ERBB4: variants seen among roughly 807,000 people sequenced by gnomAD.
ERBB4 encodes the protein erb-b2 receptor tyrosine kinase 4.
Under a neutral mutation model 158.0 loss-of-function variants are expected in ERBB4, and 42 were observed. That is an observed-to-expected ratio of 0.27 (90% confidence interval 0.21 to 0.34). The LOEUF is 0.34. ERBB4 is among the 10% of genes least tolerant of loss of function. The pLI is 1.00. For missense variants in ERBB4, 1,333 were observed against 1,624.1 expected, an observed-to-expected ratio of 0.82 and a Z score of 3.08; for synonymous variants, 583 against 558.7, an observed-to-expected ratio of 1.04 and a Z score of -0.61.
intron 1 of ERBB4, among the ~76,000 whole-genome samples, chr2:212,250,976 G>A (rs1574520805): frequency 6.6e-6 from 1 of 152,004 alleles, no homozygotes; most frequent in African/African-American, 2.4e-5. Context: ...TTGCAACAAG[G>A]GGAAGTTTTA....
rs79682808 is a variant in ERBB4 at position 211,466,253 on chromosome 2, T to C, written c.2488-35153A>G. ...AATAGCCTTCACTTTCTAAGCAAAA[T>C]GGTTGGGAAGCTTTTCAATGTAAGG... On this transcript the variant is annotated intron_variant, in intron 20 of 27. Coordinates refer to ENST00000342788, the MANE Select transcript of ERBB4 (RefSeq NM_005235.3). Among the ~76,000 whole-genome samples, 234 of 151,688 alleles carry C rather than the reference T, an allele frequency of 1.5e-3. 5 individuals carry two copies. In the East Asian group the frequency reaches 0.04, roughly 26 times the overall value.
At chr2:212,117,172 C>A (rs573672680) in intron 2 of ERBB4, among the ~76,000 whole-genome samples, 2 of 152,146 alleles carry the variant, frequency 1.3e-5, no homozygotes, top group Non-Finnish European at 2.9e-5. Context: ...CAATATTATT[C>A]TCTCTGTGTC....
At chr2:211,651,538 C>T (rs2070982321) in intron 16 of ERBB4, among the ~76,000 whole-genome samples, 1 of 152,084 alleles carries the variant, frequency 6.6e-6, no homozygotes, top group South Asian at 2.1e-4. Flanking sequence ...ATTAAGGTCC[C>T]AAATTTCTTG....
At chr2:211,764,450 G>C (rs527953435) in intron 4 of ERBB4, among the ~76,000 whole-genome samples, 1 of 152,112 alleles carries the variant, frequency 6.6e-6, no homozygotes, top group Non-Finnish European at 1.5e-5. Flanking sequence ...GAAAGCCCTC[G>C]TTAGCTAGCA....
intron 19 of ERBB4, among the ~76,000 whole-genome samples, chr2:211,587,613 C>T (rs957719993): frequency 6.6e-6 from 1 of 151,554 alleles, no homozygotes; most frequent in Admixed American, 6.6e-5. Context: ...GTTTCCAGAA[C>T]TGTGAGAATA....
chr2:212,312,177 C>A (rs2087074856), intron 1 of ERBB4, among the ~76,000 whole-genome samples: 1 of 150,882 alleles, frequency 6.6e-6, no homozygotes, highest in African/African-American at 2.4e-5. Flanking sequence ...AATGACTTTC[C>A]CTTCAAGGAA....
chr2:211,588,422 T>A (rs1387358930), intron 19 of ERBB4, among the ~76,000 whole-genome samples: 1 of 152,092 alleles, frequency 6.6e-6, no homozygotes, highest in African/African-American at 2.4e-5. Flanking sequence ...CGCTTTCAAA[T>A]CCAATTTAAA....
chr2:211,570,536 A>AT (rs1365219654), intron 19 of ERBB4, among the ~76,000 whole-genome samples: 14 of 150,598 alleles, frequency 9.3e-5, no homozygotes, highest in Non-Finnish European at 2.1e-4. Context: ...GGCAGGGAAA[A>AT]AAAAAAGCTT....
At chr2:211,899,042 T>A (rs1232667728) in intron 3 of ERBB4, among the ~76,000 whole-genome samples, 1 of 152,104 alleles carries the variant, frequency 6.6e-6, no homozygotes, top group Non-Finnish European at 1.5e-5. Context: ...ATTATAACAA[T>A]AAATATTTTC....
intron 13 of ERBB4, among the ~76,000 whole-genome samples, chr2:211,678,100 T>C (rs1412566371): frequency 6.6e-6 from 1 of 151,994 alleles, no homozygotes; most frequent in Non-Finnish European, 1.5e-5. Flanking sequence ...AATGTTATTA[T>C]TGAAATACCA....
At chr2:212,217,224 T>C (rs1390403058) in intron 1 of ERBB4, among the ~76,000 whole-genome samples, 1 of 151,370 alleles carries the variant, frequency 6.6e-6, no homozygotes, top group Non-Finnish European at 1.5e-5. Context: ...AAGCCCTATA[T>C]CACAATTTAT....
intron 3 of ERBB4, among the ~76,000 whole-genome samples, chr2:211,862,961 C>A (rs1017788009): frequency 1.3e-5 from 2 of 152,044 alleles, no homozygotes; most frequent in African/African-American, 4.8e-5. Context: ...TAAAAATGCA[C>A]CAATCAGCAC....
chr2:211,791,973 G>C (rs2076288373), intron 3 of ERBB4, among the ~76,000 whole-genome samples: 1 of 151,558 alleles, frequency 6.6e-6, no homozygotes, highest in African/African-American at 2.4e-5. Flanking sequence ...AGTATTTGTA[G>C]CTGAGATATA....
At chr2:212,205,188 TC>T (rs1472394817) in intron 1 of ERBB4, among the ~76,000 whole-genome samples, 1 of 151,700 alleles carries the variant, frequency 6.6e-6, no homozygotes, top group Non-Finnish European at 1.5e-5. Context: ...TGAGACAGAG[TC>T]CTGCTTTGCC....
At chr2:212,302,031 ACT>A (rs1346955261) in intron 1 of ERBB4, among the ~76,000 whole-genome samples, 1 of 151,220 alleles carries the variant, frequency 6.6e-6, no homozygotes, top group East Asian at 2.0e-4. Flanking sequence ...CTTTTGATAC[ACT>A]CTCATTATAA....
At chr2:211,664,547 A>G (rs2071551378) in intron 15 of ERBB4, among the ~76,000 whole-genome samples, 1 of 152,210 alleles carries the variant, frequency 6.6e-6, no homozygotes, top group Non-Finnish European at 1.5e-5. Flanking sequence ...TCTCTTAAGA[A>G]ATACTTGTTG....
At position 211,628,343 on chromosome 2, in the gene ERBB4, G is replaced by A. The variant is rs535758208; in HGVS notation, c.2079+2119C>T. Among the ~76,000 whole-genome samples, 98 of 152,078 alleles carry A rather than the reference G, an allele frequency of 6.4e-4. 1 individual carries two copies. The highest frequency in any genetic ancestry group is 2.2e-3 in the African/African-American group (93 of 41,466). On this transcript the variant is annotated intron_variant, in intron 17 of 27. Transcript: ENST00000342788. ...CTTGCCTCACCCCACAACAGGCCCC[G>A]GTGTGTGATGTTCCCCTTCCTGTGT...
chr2:212,378,277 T>C (rs2090391951), intron 1 of ERBB4, among the ~76,000 whole-genome samples: 1 of 151,906 alleles, frequency 6.6e-6, no homozygotes, highest in South Asian at 2.1e-4. Context: ...AATACTGTTC[T>C]ATATGCCATC....
At chr2:212,496,711 G>A (rs1188538684) in intron 1 of ERBB4, among the ~76,000 whole-genome samples, 10 of 152,194 alleles carry the variant, frequency 6.6e-5, no homozygotes, top group East Asian at 1.9e-4. Flanking sequence ...GTCAGTCTCC[G>A]TGAGTCGTCA....
Sources: gnomAD v4.1 joint callset for allele counts (sites outside exome capture counted in the v4.1 genomes callset) on GRCh38, gnomAD v4.1.1 for gene constraint, MANE v1.5 for transcripts, NCBI Gene and HGNC (gene_info 2026-07-23, HGNC 2026-07-21) for gene names.